Variants in RIPOR3 observed in about 807,000 individuals in gnomAD.
RIPOR3 encodes family with sequence similarity 65 member C.
A neutral mutation model predicts 114.3 loss-of-function variants in RIPOR3; 95 were observed. The observed-to-expected ratio is 0.83, with a 90% confidence interval of 0.70 to 0.99. The LOEUF (loss-of-function observed/expected upper bound fraction) is 0.99, where lower values mean the gene tolerates loss of function less well. RIPOR3 is among the 50% of genes least tolerant of loss of function. The pLI is 0.00. For missense variants in RIPOR3, 1,252 were observed against 1,266.9 expected (o/e 0.99, Z 0.18); for synonymous variants, 575 against 543.8 (o/e 1.06, Z -0.80).
intron 1 of RIPOR3, among the ~76,000 whole-genome samples, chr20:50,659,371 G>A (rs576407064): frequency 6.6e-6 from 1 of 152,204 alleles, no homozygotes; most frequent in African/African-American, 2.4e-5. Context: ...CCAGGGCCGG[G>A]TGCGGTGGCT....
intron 1 of RIPOR3, among the ~76,000 whole-genome samples, chr20:50,648,147 G>C (rs2085480924): frequency 6.6e-6 from 1 of 151,770 alleles, no homozygotes; most frequent in Non-Finnish European, 1.5e-5. Context: ...GTGTTGGTGG[G>C]CACCTGTAAT....
intron 9 of RIPOR3, 45 bp downstream of exon 9, chr20:50,608,867 A>G (rs778967840): frequency 6.2e-7 from 1 of 1,603,156 alleles, no homozygotes; most frequent in Non-Finnish European, 8.5e-7. Context: ...TCCCCCAAAG[A>G]CCTGGCGGGG....
intron 1 of RIPOR3, among the ~76,000 whole-genome samples, chr20:50,682,974 G>A (rs549885343): frequency 6.6e-6 from 1 of 152,122 alleles, no homozygotes; most frequent in Non-Finnish European, 1.5e-5. Flanking sequence ...TGATCTGCCC[G>A]CCTTGGCCTC....
chr20:50,609,727 G>A lies in RIPOR3; in HGVS notation c.427-5C>T, dbSNP rs1404096056. 1 of 1,368,024 alleles carries A rather than the reference G, an allele frequency of 7.3e-7. No homozygotes were observed. The highest frequency in any genetic ancestry group is 3.0e-5 in the East Asian group (1 of 33,820). The allele number at this position is 1,368,024 out of a possible 1,614,324, so 84.7% of individuals were successfully genotyped here. A position where few individuals can be genotyped will look rare whatever the true frequency, so the allele number is the denominator to read the frequency against. ...GTCCTCGTACAGCTCATCCACCTGTGGTGGGCACACGGGCTGGTGGCGCTG... is the reference window on the plus strand; with the variant it reads ...GTCCTCGTACAGCTCATCCACCTGTAGTGGGCACACGGGCTGGTGGCGCTG... On this transcript the variant is annotated splice_polypyrimidine_tract_variant and splice_region_variant and intron_variant, in intron 6 of 21. Transcript: ENST00000327979.
chr20:50,678,228 C>T (rs1373320062), intron 1 of RIPOR3, among the ~76,000 whole-genome samples: 8 of 152,208 alleles, frequency 5.3e-5, no homozygotes, highest in African/African-American at 1.9e-4. Context: ...GGGCAGAGCC[C>T]ACAAGGCACA....
intron 4 of RIPOR3, among the ~76,000 whole-genome samples, chr20:50,612,036 A>C (rs1165926569): frequency 6.6e-6 from 1 of 151,802 alleles, no homozygotes; most frequent in African/African-American, 2.4e-5. Context: ...GAGGCAGGAG[A>C]ATCACTTGAA....
intron 1 of RIPOR3, chr20:50,636,660 C>A: frequency 2.0e-6 from 2 of 985,530 alleles, no homozygotes; most frequent in Non-Finnish European, 2.4e-6. Context: ...GAACTGATGC[C>A]GTTCAGACCC....
At chr20:50,669,879 G>A (rs905258089) in intron 1 of RIPOR3, among the ~76,000 whole-genome samples, 1 of 151,762 alleles carries the variant, frequency 6.6e-6, no homozygotes, top group African/African-American at 2.4e-5. Flanking sequence ...AAAAAAGGCT[G>A]GGCGCAGTGG....
chr20:50,657,066 G>C (rs565142487), intron 1 of RIPOR3, among the ~76,000 whole-genome samples: 1 of 152,154 alleles, frequency 6.6e-6, no homozygotes, highest in Non-Finnish European at 1.5e-5. Flanking sequence ...AGTTGCTTTC[G>C]AGAAAGATTA....
intron 18 of RIPOR3, 60 bp downstream of exon 18, chr20:50,592,973 CTG>C: frequency 6.3e-7 from 1 of 1,579,742 alleles, no homozygotes; most frequent in Non-Finnish European, 8.6e-7. Flanking sequence ...ACCTGAGAAA[CTG>C]CATGTGACAG....
At chr20:50,592,000 CAGG>C (rs2083122965) in intron 19 of RIPOR3, among the ~76,000 whole-genome samples, 1 of 152,128 alleles carries the variant, frequency 6.6e-6, no homozygotes, top group Non-Finnish European at 1.5e-5. Flanking sequence ...GAGGCTGAGG[CAGG>C]AGAATTGCTT....
At position 50,627,538 on chromosome 20, in the gene RIPOR3, C is replaced by T. The variant is rs1000575744; in HGVS notation, c.122+3200G>A. 5.1e-5 allele frequency among the ~76,000 whole-genome samples: 7 copies of T among 138,270 alleles called. 1 individual carries two copies. Among genetic ancestry groups the T allele is most frequent in the Admixed American group, 1.4e-4 (2 of 14,500 alleles). 90.7% of individuals were successfully genotyped at this position (138,270 alleles called of 152,430 possible). ...AGAAAAAAAAAAATACAAAAATTAG[C>T]CGGGCGTGGTGGCACGCTCCTGTAA... On this transcript the variant is annotated intron_variant, in intron 2 of 21. Transcript: ENST00000327979.
rs200944190 is a variant in RIPOR3, at chr20:50,593,065, C to T, written c.2344G>A (p.Glu782Lys). Residue 782 changes from glutamate (E) to lysine (K), a missense_variant, in exon 18 of 22, where the codon GAG (glutamate) becomes AAG (lysine). By Grantham distance (56) the Glu-to-Lys change is moderately conservative. Coordinates refer to ENST00000327979, the MANE Select transcript of RIPOR3 (RefSeq NM_001290268.2). ...TTGGTGAGCTGGGTGAAGTGCTTCT[C>T]CAGGTCAGAGACGCTCTGCCTCTGC... ...YLQRQSVSDL[E>K]KHFTQLTKEV... The T allele has an allele frequency of 3.1e-5, 50 of 1,614,018 alleles. No homozygotes were observed. The highest frequency in any genetic ancestry group is 4.2e-5 in the Non-Finnish European group (50 of 1,180,052).
intron 13 of RIPOR3, among the ~76,000 whole-genome samples, chr20:50,598,696 G>C (rs549458064): frequency 6.6e-6 from 1 of 152,314 alleles, no homozygotes; most frequent in African/African-American, 2.4e-5. Context: ...CTTGAGGTCA[G>C]GAGTTCAAGA....
chr20:50,607,857 G>A (rs1042354975), intron 11 of RIPOR3, among the ~76,000 whole-genome samples: 1 of 152,170 alleles, frequency 6.6e-6, no homozygotes, highest in Non-Finnish European at 1.5e-5. Context: ...CGCTGAGGAG[G>A]AGGAAAGGAA....
chr20:50,626,955 G>A (rs2084641191), intron 2 of RIPOR3, among the ~76,000 whole-genome samples: 1 of 151,128 alleles, frequency 6.6e-6, no homozygotes. Context: ...TGGAGGTTAT[G>A]GTGAGCTGAG....
chr20:50,635,763 A>G (rs895003879), intron 1 of RIPOR3, among the ~76,000 whole-genome samples: 2 of 152,236 alleles, frequency 1.3e-5, no homozygotes, highest in African/African-American at 4.8e-5. Context: ...CAGGTAGGAA[A>G]TGCCAGAGCT....
intron 1 of RIPOR3, among the ~76,000 whole-genome samples, chr20:50,637,869 C>T (rs1481790582): frequency 2.0e-5 from 3 of 151,558 alleles, no homozygotes; most frequent in Non-Finnish European, 2.9e-5. Context: ...AGCAAGACTT[C>T]GTCTCAAAAA....
intron 20 of RIPOR3, 123 bp downstream of exon 20, chr20:50,589,563 T>C: frequency 9.8e-7 from 1 of 1,019,670 alleles, no homozygotes; most frequent in South Asian, 1.4e-5. Flanking sequence ...CCCAAAGTGC[T>C]GAGATTACAG....
Sources: gnomAD v4.1 joint callset for allele counts (sites outside exome capture counted in the v4.1 genomes callset) on GRCh38, gnomAD v4.1.1 for gene constraint, MANE v1.5 for transcripts, NCBI Gene and HGNC (gene_info 2026-07-23, HGNC 2026-07-21) for gene names.